Variants in CCN4 observed in about 807,000 individuals in gnomAD.
CCN4 encodes CCN family member 4.
Under a neutral mutation model 36.7 loss-of-function variants are expected in CCN4, and 30 were observed. That is an observed-to-expected ratio of 0.82 (90% CI 0.61 to 1.11). The LOEUF (loss-of-function observed/expected upper bound fraction) is 1.11. Ranked by LOEUF, CCN4 falls within the 50% of genes least tolerant of loss-of-function variation. The pLI is 0.00. For missense variants in CCN4, 505 were observed against 504.9 expected, an observed-to-expected ratio of 1.00 and a Z score of 0.00; for synonymous variants, 191 against 195.4, an observed-to-expected ratio of 0.98 and a Z score of 0.19.
intron 4 of CCN4, 80 bp downstream of exon 4, chr8:133,225,663 G>T (rs1163788428): frequency 6.6e-6 from 9 of 1,361,448 alleles, no homozygotes; most frequent in Non-Finnish European, 7.7e-6. Flanking sequence ...GAACTTCCTC[G>T]TGGGGAGCAT....
chr8:133,226,405 C>T (rs1854736974), intron 4 of CCN4, among the ~76,000 whole-genome samples: 1 of 152,188 alleles, frequency 6.6e-6, no homozygotes, highest in Non-Finnish European at 1.5e-5. Flanking sequence ...CCCTAGACAC[C>T]TTCTCCAGTC....
At chr8:133,193,560 C>T (rs1013928836) in intron 1 of CCN4, among the ~76,000 whole-genome samples, 6 of 152,190 alleles carry the variant, frequency 3.9e-5, no homozygotes, top group East Asian at 3.8e-4. Context: ...GAGAAAGGGA[C>T]TCCATTTAAT....
chr8:133,221,985 A>AATGG (rs375511762), intron 3 of CCN4, among the ~76,000 whole-genome samples: 2 of 150,344 alleles, frequency 1.3e-5, no homozygotes, highest in Non-Finnish European at 3.0e-5. Flanking sequence ...TGGATGGATG[A>AATGG]ATGGATGGAT....
rs1262190046 is a variant in CCN4, at chr8:133,228,851, T to C, written c.*1141T>C. 2.0e-5 allele frequency: 3 copies of C among 152,194 alleles called. No homozygotes were observed. The highest frequency in any genetic ancestry group is 1.3e-4 in the Admixed American group (2 of 15,280). The allele number at this position is 152,194 out of a possible 1,614,324, so 9.4% of individuals were successfully genotyped here. A position where few individuals can be genotyped will look rare whatever the true frequency, so the allele number is the denominator to read the frequency against. On this transcript the variant is annotated 3_prime_UTR_variant, in exon 5 of 5. Transcript: ENST00000250160. ...CTCATTTCACAGCCTTTCGTTCTGC[T>C]GACCAAATGGCCAGTTTTCTGGTAG...
chr8:133,212,211 G>C (rs1048326169), intron 1 of CCN4, among the ~76,000 whole-genome samples: 1 of 152,132 alleles, frequency 6.6e-6, no homozygotes, highest in Non-Finnish European at 1.5e-5. Flanking sequence ...CTCCATGTAG[G>C]GCTTGTGCTG....
intron 1 of CCN4, among the ~76,000 whole-genome samples, chr8:133,208,007 TTC>T (rs1491331467): frequency 6.6e-6 from 1 of 152,052 alleles, no homozygotes; most frequent in Non-Finnish European, 1.5e-5. Flanking sequence ...TTTTTTTTTT[TTC>T]ATCAGAAAAT....
chr8:133,199,611 G>A (rs1425521565), intron 1 of CCN4, among the ~76,000 whole-genome samples: 1 of 152,212 alleles, frequency 6.6e-6, no homozygotes, highest in Non-Finnish European at 1.5e-5. Context: ...ATGGATAACA[G>A]AGCTGGCAGG....
rs779926172 is a variant in CCN4, at chr8:133,220,818, C to T, written c.587C>T (p.Ala196Val). ...EDDAKRPRKT[A>V]PRDTGAFDAV... ...GACGCCAAGAGGCCACGCAAGACCG[C>T]ACCCCGTGACACAGGAGCCTTCGGT... is the stretch of plus-strand genomic sequence containing the variant. Residue 196 changes from alanine (A) to valine (V), a missense_variant, in exon 3 of 5, where the codon GCA becomes GTA. Transcript: ENST00000250160. 4 of 1,602,462 alleles carry T rather than the reference C, an allele frequency of 2.5e-6. No individual in the cohort carries two copies. The highest frequency in any genetic ancestry group is 2.0e-4 in the Middle Eastern group (1 of 5,020).
chr8:133,210,176 C>T (rs1164209603), intron 1 of CCN4, among the ~76,000 whole-genome samples: 2 of 152,122 alleles, frequency 1.3e-5, no homozygotes, highest in South Asian at 2.1e-4. Context: ...ATGCAAGGCC[C>T]GGGCCCTGCC....
Position 133,220,831 on chromosome 8 carries a change from A to G in CCN4, c.600A>G (p.Thr200=). The part of the protein sequence containing the change: ...KRPRKTAPRD[T]GAFDAVGEVE... ...CACGCAAGACCGCACCCCGTGACAC[A>G]GGAGCCTTCGGTGGGTGTGGGCCCG... is the stretch of plus-strand genomic sequence containing the variant. The change falls in exon 3 of 5, where the codon ACA becomes ACG. Residue 200 remains threonine, a synonymous_variant. Transcript: ENST00000250160. 2.5e-6 allele frequency: 4 copies of G among 1,599,018 alleles called. No individual in the cohort carries two copies. Among genetic ancestry groups the G allele is most frequent in the African/African-American group, 1.3e-5 (1 of 74,746 alleles).
intron 1 of CCN4, among the ~76,000 whole-genome samples, chr8:133,196,697 A>G (rs1442529708): frequency 6.6e-6 from 1 of 152,198 alleles, no homozygotes; most frequent in Non-Finnish European, 1.5e-5. Flanking sequence ...ATAAAGGAAT[A>G]TATTAACATT....
Position 133,227,767 on chromosome 8 carries a change from C to A in CCN4, c.*57C>A. On this transcript the variant is annotated 3_prime_UTR_variant, in exon 5 of 5. Transcript: ENST00000250160. ...CCCAATGCCTGTGAAGCAGTCAGCC[C>A]TTATGGCCAATAACTTTTCACCAAT... The A allele has an allele frequency of 6.4e-7, 1 of 1,553,636 alleles. No homozygotes were observed. Among genetic ancestry groups the A allele is most frequent in the South Asian group, 1.2e-5 (1 of 80,744 alleles).
intron 2 of CCN4, among the ~76,000 whole-genome samples, chr8:133,217,960 A>ACACACACACACACACACACACACACC (rs1204772421): frequency 6.6e-6 from 1 of 150,954 alleles, no homozygotes; most frequent in Non-Finnish European, 1.5e-5. Flanking sequence ...ACACACACAC[A>ACACACACACACACACACACACACACC]CTCTTCCTGG....
chr8:133,211,363 A>G (rs1033695057), intron 1 of CCN4, among the ~76,000 whole-genome samples: 6 of 152,230 alleles, frequency 3.9e-5, no homozygotes, highest in Non-Finnish European at 7.3e-5. Flanking sequence ...TCTAAAACTT[A>G]AGAGAGACTA....
intron 1 of CCN4, among the ~76,000 whole-genome samples, chr8:133,191,577 C>T (rs1266812547): frequency 6.6e-6 from 1 of 152,108 alleles, no homozygotes; most frequent in Non-Finnish European, 1.5e-5. Flanking sequence ...GGGTCACTCA[C>T]CCTCCAGGAG....
Position 133,228,744 on chromosome 8 carries a change from G to GT in CCN4, c.*1035dup, listed in dbSNP as rs1260184937. The stretch of plus-strand genomic sequence containing the variant: ...TCAAACCAAGAAGTGGGTGCCCTTG[G>GT]TAGCAGCCTGGGGTGACCTCTAGAG... On this transcript the variant is annotated 3_prime_UTR_variant, in exon 5 of 5. Coordinates refer to ENST00000250160, the MANE Select transcript of CCN4 (RefSeq NM_003882.4). The GT allele has an allele frequency of 6.6e-6, 1 of 152,234 alleles. No individual in the cohort carries two copies. The highest frequency in any genetic ancestry group is 1.9e-4 in the East Asian group (1 of 5,188). 9.4% of individuals were successfully genotyped at this position (152,234 alleles called of 1,614,324 possible).
At chr8:133,216,201 C>A (rs1854316328) in intron 2 of CCN4, among the ~76,000 whole-genome samples, 1 of 152,182 alleles carries the variant, frequency 6.6e-6, no homozygotes, top group Non-Finnish European at 1.5e-5. Context: ...GTAAACAGAA[C>A]AAACGGTTCC....
chr8:133,219,068 C>T (rs770436093), intron 2 of CCN4, among the ~76,000 whole-genome samples: 2 of 152,154 alleles, frequency 1.3e-5, no homozygotes, highest in Non-Finnish European at 2.9e-5. Context: ...AGGGTGGTCC[C>T]CCATGCTACC....
rs1564269480 is a variant in CCN4 at position 133,227,547 on chromosome 8, A to C, written c.941A>C (p.Lys314Thr). ...GACAATAGGTGCTGCATCCCCTACAAGTCTAAGACTATCGACGTGTCCTTC... is the reference window on the plus strand; with the variant it reads ...GACAATAGGTGCTGCATCCCCTACACGTCTAAGACTATCGACGTGTCCTTC... ...CMDNRCCIPYKSKTIDVSFQC... is the reference protein window; with the variant it reads ...CMDNRCCIPYTSKTIDVSFQC... Residue 314 changes from lysine (K) to threonine (T), a missense_variant, in exon 5 of 5, where the codon AAG (lysine) becomes ACG (threonine). Physicochemically the swap from Lys to Thr is moderately conservative, Grantham distance 78 (BLOSUM62 -1). Transcript: ENST00000250160. 1 of 1,614,220 alleles carries C rather than the reference A, an allele frequency of 6.2e-7. No homozygotes were observed. The highest frequency in any genetic ancestry group is 1.7e-5 in the Admixed American group (1 of 60,028).
Sources: allele counts gnomAD v4.1 joint callset (sites outside exome capture counted in the v4.1 genomes callset), GRCh38; gene constraint gnomAD v4.1.1; transcripts MANE v1.5; gene names NCBI Gene and HGNC (gene_info 2026-07-23, HGNC 2026-07-21).